Variants in IQCH observed in about 807,000 individuals in gnomAD.
The protein encoded by IQCH is IQ domain-containing protein H.
Under a neutral mutation model 117.0 loss-of-function variants are expected in IQCH, and 98 were observed. The observed-to-expected ratio is 0.84, with a 90% CI of 0.71 to 0.99. IQCH has a LOEUF of 0.99. IQCH is among the 50% of genes least tolerant of loss of function. The pLI is 0.00. For synonymous variants in IQCH, 412 were observed against 448.2 expected, an observed-to-expected ratio of 0.92 and a Z score of 1.02; for missense variants, 1,102 against 1,243.8, an observed-to-expected ratio of 0.89 and a Z score of 1.72.
chr15:67,425,752 C>T lies in IQCH; in HGVS notation c.2505+4175C>T, dbSNP rs1184829645. Among the ~76,000 whole-genome samples, 2 of 152,092 alleles carry T rather than the reference C, an allele frequency of 1.3e-5. No individual in the cohort carries two copies. The highest frequency in any genetic ancestry group is 2.9e-5 in the Non-Finnish European group (2 of 68,018). On this transcript the variant is annotated intron_variant, in intron 16 of 20. Transcript: ENST00000335894. The surrounding 1 kb of genome is among the most constrained non-coding windows in gnomAD (Gnocchi z 5.5). ...ATCCATTGGCAACTTTTTCCACTAC[C>T]ACTACGATAGTGGTAATTTTGTATT...
At chr15:67,336,855 A>G (rs1968913995) in intron 4 of IQCH, 120 bp from the exon 5 acceptor site, 1 of 894,250 alleles carries the variant, frequency 1.1e-6, no homozygotes, top group Non-Finnish European at 1.7e-6. Flanking sequence ...ATTGGAGCTG[A>G]TATTGCTACT....
intron 16 of IQCH, among the ~76,000 whole-genome samples, chr15:67,442,651 C>A (rs1210537784): frequency 6.6e-6 from 1 of 152,020 alleles, no homozygotes; most frequent in Non-Finnish European, 1.5e-5. Flanking sequence ...AGTAGAACTA[C>A]CATTTGATCC....
In IQCH at chr15:67,294,540, T is replaced by C. The variant is rs112514796; in HGVS notation, c.387+15028T>C. 2.1e-3 allele frequency among the ~76,000 whole-genome samples: 319 copies of C among 152,298 alleles called. 1 individual carries two copies. Among genetic ancestry groups the C allele is most frequent in the African/African-American group, 7.5e-3 (310 of 41,568 alleles). On this transcript the variant is annotated intron_variant, in intron 4 of 20. Coordinates refer to ENST00000335894, the MANE Select transcript of IQCH (RefSeq NM_001031715.3). ...ATAAAGGGGATAGTCACAGCTGGCA[T>C]GTTCCTTTGCCCCTATTTCCCTTTC...
chr15:67,500,680 C>A lies in IQCH; in HGVS notation c.3018C>A (p.Asn1006Lys). ...CTATTCTAAGAGTAACAAAGGAAAA[C>A]AAAATGAGATTTGAAGAGGAGCAAC... Reference protein sequence around the residue: ...IETILRVTKENKMRFEEEQQS... With the variant: ...IETILRVTKEKKMRFEEEQQS... Residue 1006 changes from asparagine to lysine, a missense_variant, in exon 21 of 21, where the codon AAC becomes AAA. Around this residue, in one of 2 missense-constraint regions of IQCH, gnomAD observed 650 missense variants for 794.3 expected, o/e 0.82. Coordinates refer to ENST00000335894, the MANE Select transcript of IQCH (RefSeq NM_001031715.3). This position sits in a 1 kb window ranked among gnomAD's most constrained non-coding sequence, Gnocchi z 4.4. 6.2e-7 allele frequency: 1 copy of A among 1,604,184 alleles called. No homozygotes were observed. Among genetic ancestry groups the A allele is most frequent in the Non-Finnish European group, 8.5e-7 (1 of 1,173,454 alleles).
chr15:67,346,162 A>G (rs1298668065), intron 6 of IQCH, among the ~76,000 whole-genome samples: 1 of 152,236 alleles, frequency 6.6e-6, no homozygotes, highest in Non-Finnish European at 1.5e-5. Context: ...AGGCACATTA[A>G]TGATAAAAGG....
In IQCH at chr15:67,395,533, T is replaced by C. The variant is rs1278209913; in HGVS notation, c.1875T>C (p.Pro625=). The C allele has an allele frequency of 6.2e-7, 1 of 1,613,840 alleles. No individual in the cohort carries two copies. The highest frequency in any genetic ancestry group is 8.5e-7 in the Non-Finnish European group (1 of 1,179,940). ...VFDSANVAVP[P]GIYDIYSQQQ... ...ACAGTGCCAATGTGGCAGTTCCTCC[T>C]GGAATATATGATATTTATAGTCAGC... Residue 625 remains proline, a synonymous_variant, in exon 13 of 21, where the codon CCT becomes CCC. Transcript: ENST00000335894. This position sits in a 1 kb window ranked among gnomAD's most constrained non-coding sequence, Gnocchi z 4.0.
At chr15:67,291,259 G>A (rs1567069656) in intron 4 of IQCH, among the ~76,000 whole-genome samples, 3 of 152,106 alleles carry the variant, frequency 2.0e-5, no homozygotes, top group African/African-American at 4.8e-5. Context: ...TCTAAAAAAC[G>A]AGTTCCAAAA....
intron 5 of IQCH, 129 bp downstream of exon 5, chr15:67,337,224 G>A: frequency 1.1e-6 from 1 of 933,954 alleles, no homozygotes; most frequent in Non-Finnish European, 1.6e-6. Flanking sequence ...GACAAGTCAG[G>A]TCCTCACTCT....
intron 20 of IQCH, among the ~76,000 whole-genome samples, chr15:67,499,076 C>T (rs1026397543): frequency 5.9e-5 from 9 of 152,052 alleles, no homozygotes; most frequent in African/African-American, 1.9e-4. Context: ...GCGAAAGGAT[C>T]ACTTGAGGCC....
At chr15:67,470,585 A>G (rs936000886) in intron 17 of IQCH, among the ~76,000 whole-genome samples, 1 of 152,202 alleles carries the variant, frequency 6.6e-6, no homozygotes. Flanking sequence ...CACTTATACT[A>G]TGAACCATCT....
chr15:67,375,839 T>G (rs988736474), intron 10 of IQCH, among the ~76,000 whole-genome samples: 1 of 144,584 alleles, frequency 6.9e-6, no homozygotes, highest in African/African-American at 2.6e-5. Context: ...CAGGCTGGAG[T>G]GCAGTGGTGC....
At chr15:67,442,914 T>G in intron 16 of IQCH, among the ~76,000 whole-genome samples, 1 of 150,160 alleles carries the variant, frequency 6.7e-6, no homozygotes, top group Non-Finnish European at 1.5e-5. Flanking sequence ...TACACACATA[T>G]ATATGATGGA....
chr15:67,297,134 T>C lies in IQCH; in HGVS notation c.387+17622T>C, dbSNP rs139245360. On this transcript the variant is annotated intron_variant, in intron 4 of 20. Coordinates refer to ENST00000335894, the MANE Select transcript of IQCH (RefSeq NM_001031715.3). ...CTGTGATTGTGGAGGGCTTCTACTT[T>C]GTTGATCCTTCTAGCCCTAACAGGG... Among the ~76,000 whole-genome samples the C allele has an allele frequency of 6.4e-4, 97 of 152,294 alleles. 1 individual carries two copies. The highest frequency in any genetic ancestry group is 4.3e-3 in the Admixed American group (66 of 15,292).
At chr15:67,343,917 T>A in intron 5 of IQCH, 146 bp from the exon 6 acceptor site, 1 of 595,914 alleles carries the variant, frequency 1.7e-6, no homozygotes, top group Non-Finnish European at 2.8e-6. Context: ...CTGTAGCTAT[T>A]TTTTTATGCA....
chr15:67,297,683 A>G (rs550439470), intron 4 of IQCH, among the ~76,000 whole-genome samples: 23 of 152,274 alleles, frequency 1.5e-4, no homozygotes, highest in Non-Finnish European at 7.4e-5. Flanking sequence ...TCATTCTACT[A>G]TTGTTTGCAT....
In IQCH at chr15:67,447,828, G is replaced by A. The variant is rs904261268; in HGVS notation, c.2506-17299G>A. Among the ~76,000 whole-genome samples the A allele has an allele frequency of 1.3e-5, 2 of 152,212 alleles. No individual in the cohort carries two copies. The highest frequency in any genetic ancestry group is 2.9e-5 in the Non-Finnish European group (2 of 68,042). The stretch of plus-strand genomic sequence containing the variant: ...AGTCCAAGCAACAGCTTGCGTTTTA[G>A]AAAGTGGCACTGTCCTCAGAGCTGA... On this transcript the variant is annotated intron_variant, in intron 16 of 20. Coordinates refer to ENST00000335894, the MANE Select transcript of IQCH (RefSeq NM_001031715.3). The surrounding 1 kb of genome is among the most constrained non-coding windows in gnomAD (Gnocchi z 5.3).
intron 4 of IQCH, among the ~76,000 whole-genome samples, chr15:67,329,821 T>TACACACACACAC (rs35445898): frequency 1.3e-5 from 2 of 148,846 alleles, no homozygotes; most frequent in African/African-American, 4.9e-5. Context: ...GAGTGAATTA[T>TACACACACACAC]ACACACACAC....
rs755212707 is a variant in IQCH, at chr15:67,421,308, T to C, written c.2236T>C (p.Phe746Leu). The change falls in exon 16 of 21, where the codon TTC (phenylalanine) becomes CTC (leucine). Residue 746 changes from phenylalanine to leucine, a missense_variant. By Grantham distance (22) the Phe-to-Leu change is conservative. This residue lies in a region of IQCH where 650 missense variants were observed against 794.3 expected (regional missense o/e 0.82). Coordinates refer to ENST00000335894, the MANE Select transcript of IQCH (RefSeq NM_001031715.3). ...CCCACCAGGGGGTGTGATCGAAGCA[T>C]TCCCACCTGCAGACAATGTCACCAA... Reference protein sequence around the residue: ...FLSQGGVIEAFPPADNVTNLT... With the variant: ...FLSQGGVIEALPPADNVTNLT... The C allele has an allele frequency of 4.3e-6, 7 of 1,614,054 alleles. No homozygotes were observed. In the East Asian group the frequency reaches 1.3e-4, roughly 31 times the overall value.
intron 4 of IQCH, among the ~76,000 whole-genome samples, chr15:67,302,169 A>G (rs1199412047): frequency 1.3e-5 from 2 of 152,224 alleles, no homozygotes; most frequent in Non-Finnish European, 2.9e-5. Context: ...CTTAGACGTG[A>G]TAGATGAAGC....
Sources: gnomAD v4.1 joint callset for allele counts (sites outside exome capture counted in the v4.1 genomes callset) on GRCh38, gnomAD v4.1.1 for gene constraint, gnomAD v4.1.1 regional missense constraint, Gnocchi (gnomAD v3.1) non-coding constraint, MANE v1.5 for transcripts, NCBI Gene and HGNC (gene_info 2026-07-23, HGNC 2026-07-21) for gene names.